AK6: variants seen among roughly 807,000 people sequenced by gnomAD.
AK6 encodes adenylate kinase isoenzyme 6.
In AK6, 24 loss-of-function variants were observed where a neutral mutation model predicts 23.7. The observed-to-expected ratio is 1.01, with a 90% CI of 0.73 to 1.43. The LOEUF is 1.43. Among genes scored for constraint, AK6 ranks in the 40% most tolerant of loss-of-function variants. AK6 has a pLI of 0.00. For synonymous variants in AK6, 73 were observed against 69.8 expected (o/e 1.05, Z -0.23); for missense variants, 191 against 199.1 (o/e 0.96, Z 0.24).
chr5:69,355,785 C>T lies in AK6; in HGVS notation c.190G>A (p.Glu64Lys). 6.2e-7 allele frequency: 1 copy of T among 1,603,166 alleles called. No homozygotes were observed. Among genetic ancestry groups the T allele is most frequent in the Non-Finnish European group, 8.5e-7 (1 of 1,176,932 alleles). The change falls in exon 4 of 5, where the codon GAG (glutamate) becomes AAG (lysine). Residue 64 changes from glutamate to lysine, a missense_variant. Glu to Lys is a moderately conservative substitution (Grantham distance 56). Transcript: ENST00000380822. ...PILDEDRVVD[E>K]LDNQMREGGV... ...CCTTCTCTCATTTGGTTATCTAACT[C>T]ATCAACTACCTGTAAGAAAAGTTTA...
intron 2 of AK6, among the ~76,000 whole-genome samples, chr5:69,364,218 T>A (rs4252235): frequency 0.072 from 10,815 of 150,070 alleles, 497 homozygotes; most frequent in East Asian, 0.15. Context: ...TTAAAAAAAA[T>A]ATATATATAT....
chr5:69,369,759 C>A, upstream of AK6: 1 of 1,481,250 alleles, frequency 6.8e-7, no homozygotes, highest in Non-Finnish European at 9.2e-7. Context: ...GTCACACACT[C>A]CTTCGGTGGT....
intron 2 of AK6, among the ~76,000 whole-genome samples, chr5:69,361,681 C>A (rs11952246): frequency 1.3e-5 from 2 of 150,694 alleles, no homozygotes; most frequent in African/African-American, 4.9e-5. Flanking sequence ...CTCGGGTCAC[C>A]GCAGCCTCCG....
Position 69,355,938 on chromosome 5 carries a change from C to T in AK6, c.137G>A (p.Gly46Asp), listed in dbSNP as rs1762073800. ...GGGACAGTCATACTCTTCATCATAGCCATCATACAATTGCTCTAAAAGAGA... is the reference window on the plus strand; with the variant it reads ...GGGACAGTCATACTCTTCATCATAGTCATCATACAATTGCTCTAAAAGAGA... ...DLAREEQLYD[G>D]YDEEYDCPIL... The change falls in exon 3 of 5, where the codon GGC (glycine) becomes GAC (aspartate). Residue 46 changes from glycine to aspartate, a missense_variant. Physicochemically the swap from Gly to Asp is moderately conservative, Grantham distance 94. Transcript: ENST00000380822. 2 of 1,606,320 alleles carry T rather than the reference C, an allele frequency of 1.2e-6. No individual in the cohort carries two copies. The highest frequency in any genetic ancestry group is 2.3e-5 in the South Asian group (2 of 88,776).
chr5:69,351,185 T>C lies in AK6; in HGVS notation c.*876A>G, dbSNP rs1239112801. The C allele has an allele frequency of 3.3e-5, 5 of 152,194 alleles. No homozygotes were observed. Among genetic ancestry groups the C allele is most frequent in the African/African-American group, 1.2e-4 (5 of 41,460 alleles). 9.4% of individuals were successfully genotyped at this position (152,194 alleles called of 1,614,324 possible). A position where few individuals can be genotyped will look rare whatever the true frequency, so the allele number is the denominator to read the frequency against. On this transcript the variant is annotated 3_prime_UTR_variant, in exon 5 of 5. Transcript: ENST00000380822. ...GTTAATAAGCTAAAAACCAACGGAT[T>C]ATAAATTTTATTTATGTTTATTTTT...
Position 69,351,645 on chromosome 5 carries a change from C to G in AK6, c.*416G>C. 1 of 153,582 alleles carries G rather than the reference C, an allele frequency of 6.5e-6. No homozygotes were observed. The highest frequency in any genetic ancestry group is 1.9e-4 in the East Asian group (1 of 5,234). The allele number at this position is 153,582 out of a possible 1,614,324, so 9.5% of individuals were successfully genotyped here. A position where few individuals can be genotyped will look rare whatever the true frequency, so the allele number is the denominator to read the frequency against. On this transcript the variant is annotated 3_prime_UTR_variant, in exon 5 of 5. Transcript: ENST00000380822. ...GGGAGACCTAACTTTTCAACATGCTCTTTTGTACCTTTTGAACTTTGTATC... is the reference window on the plus strand; with the variant it reads ...GGGAGACCTAACTTTTCAACATGCTGTTTTGTACCTTTTGAACTTTGTATC...
chr5:69,353,216 G>C (rs988768233), intron 4 of AK6, among the ~76,000 whole-genome samples: 1 of 152,112 alleles, frequency 6.6e-6, no homozygotes, highest in Admixed American at 6.5e-5. Context: ...ACAGAGAGTA[G>C]ATTATTGGTT....
chr5:69,364,988 A>T (rs905134442), intron 2 of AK6: 1 of 1,613,716 alleles, frequency 6.2e-7, no homozygotes, highest in South Asian at 1.1e-5. Flanking sequence ...CATCATCATC[A>T]TCTTCACGTT....
chr5:69,369,523 T>C (rs546624410), upstream of AK6: 14 of 1,610,948 alleles, frequency 8.7e-6, no homozygotes, highest in Non-Finnish European at 1.2e-5. Context: ...GGCGCCTCGC[T>C]CACGTGCCCT....
At chr5:69,358,472 C>G (rs189482537) in intron 2 of AK6, among the ~76,000 whole-genome samples, 3 of 138,434 alleles carry the variant, frequency 2.2e-5, no homozygotes, top group African/African-American at 8.1e-5. Context: ...GAGCTGAGAT[C>G]GCGCCACTGC....
chr5:69,356,398 G>A (rs1762084974), intron 2 of AK6, among the ~76,000 whole-genome samples: 1 of 44,432 alleles, frequency 2.3e-5, no homozygotes, highest in Non-Finnish European at 8.9e-5. Context: ...CTTTGCGCTT[G>A]TAATCCCAGC....
chr5:69,359,242 AT>A lies in AK6; in HGVS notation c.122-3290del, dbSNP rs879562854. On this transcript the variant is annotated intron_variant, in intron 2 of 4. Coordinates refer to ENST00000380822, the MANE Select transcript of AK6 (RefSeq NM_016283.5). ...GATACCTTGTCTCAAAAAAAAAAAA[AT>A]TTTTTTTTTTTAAATTTTGAGACAG... 3.0e-3 allele frequency among the ~76,000 whole-genome samples: 445 copies of A among 148,216 alleles called. 1 individual carries two copies. Among genetic ancestry groups the A allele is most frequent in the African/African-American group, 4.5e-3 (180 of 40,408 alleles).
chr5:69,356,880 CAAATTT>C (rs909628391), intron 2 of AK6, among the ~76,000 whole-genome samples: 1 of 152,028 alleles, frequency 6.6e-6, no homozygotes, highest in African/African-American at 2.4e-5. Context: ...ACAAAGGAGG[CAAATTT>C]AAATTTAACA....
rs532727553 is a variant in AK6, at chr5:69,369,058, C to A, written c.28+405G>T. On this transcript the variant is annotated intron_variant, in intron 1 of 4. Coordinates refer to ENST00000380822, the MANE Select transcript of AK6 (RefSeq NM_016283.5). ...GGAGGCCTAAGGAGTGAGGCATCCA[C>A]CATTAATGACTCTACCGGGAAGCAG... The A allele has an allele frequency of 2.3e-5, 6 of 256,350 alleles. No individual in the cohort carries two copies. In the Admixed American group the frequency reaches 3.4e-4, roughly 14 times the overall value. 15.9% of individuals were successfully genotyped at this position (256,350 alleles called of 1,614,324 possible). A position where few individuals can be genotyped will look rare whatever the true frequency, so the allele number is the denominator to read the frequency against.
intron 1 of AK6, 128 bp from the exon 2 acceptor site, chr5:69,366,723 C>A: frequency 1.5e-6 from 1 of 682,814 alleles, no homozygotes; most frequent in South Asian, 1.9e-5. Flanking sequence ...AAGTTCTTGA[C>A]GACTGAAATG....
At chr5:69,368,833 T>C (rs1371521051) in intron 1 of AK6, 2 of 152,264 alleles carry the variant, frequency 1.3e-5, no homozygotes, top group Non-Finnish European at 2.9e-5. Flanking sequence ...ACCCTGAGTA[T>C]GGCTTCAAAG....
chr5:69,364,961 ATCATCATCATCATCG>A (rs767022180), intron 2 of AK6: 54 of 1,599,580 alleles, frequency 3.4e-5, no homozygotes, highest in Non-Finnish European at 4.3e-5. Context: ...TATCATAGTC[ATCATCATCATCATCG>A]TCATCATCAT....
At chr5:69,362,311 T>C (rs1762262667) in intron 2 of AK6, among the ~76,000 whole-genome samples, 1 of 152,094 alleles carries the variant, frequency 6.6e-6, no homozygotes. Context: ...TCTTCACACA[T>C]TGCTATACCC....
chr5:69,352,336 A>G, intron 4 of AK6, 83 bp from the exon 5 acceptor site: 1 of 1,045,062 alleles, frequency 9.6e-7, no homozygotes, highest in Non-Finnish European at 1.4e-6. Context: ...GAAACTGGAC[A>G]CTTTTCAATA....
Sources: gnomAD v4.1 joint callset for allele counts (sites outside exome capture counted in the v4.1 genomes callset) on GRCh38, gnomAD v4.1.1 for gene constraint, MANE v1.5 for transcripts, NCBI Gene and HGNC (gene_info 2026-07-23, HGNC 2026-07-21) for gene names.